Variants in RORA observed in about 807,000 individuals in gnomAD.
The protein encoded by RORA is RAR related orphan receptor A.
RORA carries 7 observed loss-of-function variants against 69.5 expected under a neutral mutation model. The ratio of observed to expected loss-of-function variants is 0.10; its 90% CI spans 0.06 to 0.19. RORA has a LOEUF of 0.19. Among genes scored for constraint, RORA ranks in the 10% least tolerant of loss-of-function variants. The pLI, the probability that RORA is intolerant of heterozygous loss-of-function variation, is 1.00. For synonymous variants in RORA, 261 were observed against 240.8 expected (o/e 1.08, Z -0.78); for missense variants, 457 against 663.0 (o/e 0.69, Z 3.41).
At chr15:60,924,122 G>A (rs28505504) in intron 1 of RORA, among the ~76,000 whole-genome samples, 50 of 152,206 alleles carry the variant, frequency 3.3e-4, no homozygotes, top group African/African-American at 1.2e-3. Flanking sequence ...CATACCCCAT[G>A]TGTAGCATTC....
At chr15:60,618,344 A>G (rs969139492) in intron 2 of RORA, among the ~76,000 whole-genome samples, 2 of 152,174 alleles carry the variant, frequency 1.3e-5, no homozygotes, top group African/African-American at 4.8e-5. Context: ...GCCTACCCAC[A>G]CAGCCCCTAC....
chr15:61,159,721 G>C (rs757687101), intron 1 of RORA, among the ~76,000 whole-genome samples: 1 of 152,156 alleles, frequency 6.6e-6, no homozygotes, highest in Non-Finnish European at 1.5e-5. Flanking sequence ...TTTTGAATGT[G>C]CAATGGCAAC....
chr15:60,781,579 G>A (rs2072256968), intron 1 of RORA, among the ~76,000 whole-genome samples: 1 of 151,944 alleles, frequency 6.6e-6, no homozygotes, highest in Non-Finnish European at 1.5e-5. Context: ...TGCAGGGACG[G>A]AGAACGCACG....
chr15:61,117,023 T>A (rs1171184849), intron 1 of RORA, among the ~76,000 whole-genome samples: 1 of 152,146 alleles, frequency 6.6e-6, no homozygotes, highest in Non-Finnish European at 1.5e-5. Context: ...ATACATCAGC[T>A]TCAAAGACAA....
chr15:60,850,392 G>A (rs2140413434), intron 1 of RORA, among the ~76,000 whole-genome samples: 1 of 152,284 alleles, frequency 6.6e-6, no homozygotes, highest in East Asian at 1.9e-4. Context: ...TAAGATGCTG[G>A]TGTGATGTTT....
intron 1 of RORA, among the ~76,000 whole-genome samples, chr15:60,945,550 G>T (rs1165382363): frequency 1.3e-5 from 2 of 152,068 alleles, no homozygotes; most frequent in Non-Finnish European, 2.9e-5. Flanking sequence ...CACCATTAGG[G>T]GAGGAAAACG....
rs543987503 is a variant in RORA, at chr15:61,170,527, G to A, written c.166+58526C>T. Among the ~76,000 whole-genome samples the A allele has an allele frequency of 4.6e-5, 7 of 152,280 alleles. 1 individual carries two copies. The highest frequency in any genetic ancestry group is 1.0e-4 in the Non-Finnish European group (7 of 68,020). ...CCCAACTCAAGGTCCTAACTGAATC[G>A]CATGTGCAAGGTCGCTTTCCATGCA... On this transcript the variant is annotated intron_variant, in intron 1 of 10. Coordinates refer to ENST00000335670, the MANE Select transcript of RORA (RefSeq NM_134261.3).
chr15:61,013,998 T>A (rs1895189080), intron 1 of RORA, among the ~76,000 whole-genome samples: 1 of 152,208 alleles, frequency 6.6e-6, no homozygotes, highest in Middle Eastern at 3.4e-3. Context: ...TTAGCCAGGA[T>A]GGTCTCGATC....
chr15:60,806,740 C>T (rs1021307564), intron 1 of RORA, among the ~76,000 whole-genome samples: 6 of 152,202 alleles, frequency 3.9e-5, no homozygotes, highest in African/African-American at 1.4e-4. Flanking sequence ...AGAGTTAGAA[C>T]TGGAGTCATG....
chr15:60,603,460 T>A (rs2068867077), intron 2 of RORA, among the ~76,000 whole-genome samples: 2 of 152,202 alleles, frequency 1.3e-5, no homozygotes, highest in African/African-American at 4.8e-5. Context: ...CATTGCTGAT[T>A]TTAGTTCTTC....
At chr15:60,556,183 A>C (rs535542482) in intron 2 of RORA, among the ~76,000 whole-genome samples, 1 of 152,316 alleles carries the variant, frequency 6.6e-6, no homozygotes, top group South Asian at 2.1e-4. Flanking sequence ...GTGAGTGTTT[A>C]GGAAAAAACG....
At chr15:60,752,120 G>C (rs182404519) in intron 1 of RORA, among the ~76,000 whole-genome samples, 2 of 152,208 alleles carry the variant, frequency 1.3e-5, no homozygotes, top group Admixed American at 1.3e-4. Flanking sequence ...GAAGGCAATG[G>C]GCTAGTATGG....
chr15:61,081,807 C>CAAAAA (rs59591650), intron 1 of RORA, among the ~76,000 whole-genome samples: 2 of 105,652 alleles, frequency 1.9e-5, no homozygotes, highest in African/African-American at 3.5e-5. Context: ...GACTCTGTCT[C>CAAAAA]AAAAAAAAAA....
chr15:61,211,290 A>AT (rs1348557154), intron 1 of RORA, among the ~76,000 whole-genome samples: 4 of 124,882 alleles, frequency 3.2e-5, no homozygotes, highest in African/African-American at 1.2e-4. Context: ...ACAGCAAAAA[A>AT]AAAAAAAAAA....
intron 1 of RORA, among the ~76,000 whole-genome samples, chr15:61,062,601 A>T (rs2078202196): frequency 6.6e-6 from 1 of 151,990 alleles, no homozygotes; most frequent in Admixed American, 6.5e-5. Flanking sequence ...CATGTCTGTG[A>T]CCCCTGCTTC....
intron 1 of RORA, among the ~76,000 whole-genome samples, chr15:60,722,965 A>G (rs1284887820): frequency 6.6e-6 from 1 of 152,166 alleles, no homozygotes; most frequent in Non-Finnish European, 1.5e-5. Flanking sequence ...CTGACCCTTG[A>G]GTTTAACTTC....
At chr15:61,169,272 GA>G (rs772187950) in intron 1 of RORA, among the ~76,000 whole-genome samples, 5,265 of 134,586 alleles carry the variant, frequency 0.039, 98 homozygotes, top group Middle Eastern at 0.069. Flanking sequence ...ACACAGCTTG[GA>G]AAAAAAAAAA....
At chr15:60,841,442 C>T (rs2140403607) in intron 1 of RORA, among the ~76,000 whole-genome samples, 1 of 152,344 alleles carries the variant, frequency 6.6e-6, no homozygotes, top group East Asian at 1.9e-4. Flanking sequence ...GTCTCTCTCT[C>T]CCTTTCTGTG....
rs2065697108 is a variant in RORA at position 60,511,519 on chromosome 15, GGCT to G, written c.524_526del (p.Gln175del). The G allele has an allele frequency of 1.2e-6, 2 of 1,614,052 alleles. No homozygotes were observed. The highest frequency in any genetic ancestry group is 2.2e-5 in the South Asian group (2 of 91,092). ...GGGCGTCAGCGGCTCAGCCTCTCCA[GGCT>G]GCTGCTGGTGGTCGCGCTGCTGCTG... On this transcript the variant is annotated inframe_deletion, in exon 5 of 11. Transcript: ENST00000335670. The surrounding 1 kb of genome is among the most constrained non-coding windows in gnomAD (Gnocchi z 6.4).
Sources: allele counts gnomAD v4.1 joint callset (sites outside exome capture counted in the v4.1 genomes callset), GRCh38; gene constraint gnomAD v4.1.1; non-coding constraint Gnocchi (gnomAD v3.1); transcripts MANE v1.5; gene names NCBI Gene and HGNC (gene_info 2026-07-23, HGNC 2026-07-21).